The following CASQ2 variants were observed in gnomAD, a reference collection of about 807,000 sequenced individuals.
The protein encoded by CASQ2 is calsequestrin-2.
In CASQ2, 49 loss-of-function variants were observed where a neutral mutation model predicts 46.5. The ratio of observed to expected loss-of-function variants is 1.05; its 90% CI spans 0.84 to 1.34. CASQ2 has a LOEUF of 1.34. Among genes scored for constraint, CASQ2 ranks in the 40% most tolerant of loss-of-function variants. CASQ2 has a pLI of 0.00. For synonymous variants in CASQ2, 174 were observed against 168.5 expected, an observed-to-expected ratio of 1.03 and a Z score of -0.25; for missense variants, 486 against 481.3, an observed-to-expected ratio of 1.01 and a Z score of -0.09.
chr1:115,766,906 GA>G (rs1649153369), intron 1 of CASQ2, among the ~76,000 whole-genome samples: 1 of 139,930 alleles, frequency 7.1e-6, no homozygotes, highest in Non-Finnish European at 1.6e-5. Context: ...TAGATAGATA[GA>G]TAGATAGATA....
chr1:115,761,566 T>C (rs1393202494), intron 1 of CASQ2, among the ~76,000 whole-genome samples: 1 of 149,878 alleles, frequency 6.7e-6, no homozygotes, highest in Non-Finnish European at 1.5e-5. Flanking sequence ...TCAATGATGA[T>C]GCTGGGCACA....
At chr1:115,728,026 C>T (rs1647654318) in intron 5 of CASQ2, among the ~76,000 whole-genome samples, 1 of 152,148 alleles carries the variant, frequency 6.6e-6, no homozygotes, top group South Asian at 2.1e-4. Context: ...AAACCAAATG[C>T]CACTCTTTTC....
In CASQ2 at chr1:115,701,043, G is replaced by A. The variant is rs1654187112; in HGVS notation, c.*198C>T. ...TGGGAATAATTTTTCTCCTGTCCCT[G>A]CTAAGTGGGATTGCTGCATTTGAAA... On this transcript the variant is annotated 3_prime_UTR_variant, in exon 11 of 11. Coordinates refer to ENST00000261448, the MANE Select transcript of CASQ2 (RefSeq NM_001232.4). The A allele has an allele frequency of 2.6e-6, 2 of 759,904 alleles. No homozygotes were observed. Among genetic ancestry groups the A allele is most frequent in the Non-Finnish European group, 4.6e-6 (2 of 437,788 alleles). The allele number at this position is 759,904 out of a possible 1,614,324, so 47.1% of individuals were successfully genotyped here. A position where few individuals can be genotyped will look rare whatever the true frequency, so the allele number is the denominator to read the frequency against.
At chr1:115,740,925 G>T in intron 2 of CASQ2, 97 bp from the exon 3 acceptor site, 2 of 817,360 alleles carry the variant, frequency 2.4e-6, no homozygotes, top group South Asian at 2.8e-5. Flanking sequence ...GGGTGACAGT[G>T]GGGTCAGGAT....
At chr1:115,726,173 A>G (rs1361686791) in intron 6 of CASQ2, among the ~76,000 whole-genome samples, 3 of 152,188 alleles carry the variant, frequency 2.0e-5, no homozygotes, top group South Asian at 2.1e-4. Flanking sequence ...TGCAGGTCCA[A>G]TGAACACACT....
intron 1 of CASQ2, among the ~76,000 whole-genome samples, chr1:115,757,263 T>C (rs1242398875): frequency 6.6e-6 from 1 of 152,246 alleles, no homozygotes; most frequent in Non-Finnish European, 1.5e-5. Context: ...ATTACCGATA[T>C]GTGCCCAGCA....
chr1:115,758,943 G>A (rs1312766862), intron 1 of CASQ2, among the ~76,000 whole-genome samples: 1 of 152,158 alleles, frequency 6.6e-6, no homozygotes, highest in Non-Finnish European at 1.5e-5. Flanking sequence ...CTGCAAGAAG[G>A]GGTGTCAGAC....
chr1:115,701,050 G>T lies in CASQ2; in HGVS notation c.*191C>A. On this transcript the variant is annotated 3_prime_UTR_variant, in exon 11 of 11. Coordinates refer to ENST00000261448, the MANE Select transcript of CASQ2 (RefSeq NM_001232.4). The stretch of plus-strand genomic sequence containing the variant: ...AATTTTTCTCCTGTCCCTGCTAAGT[G>T]GGATTGCTGCATTTGAAAAGGCATT... 1 of 787,074 alleles carries T rather than the reference G, an allele frequency of 1.3e-6. No homozygotes were observed. The highest frequency in any genetic ancestry group is 2.4e-5 in the East Asian group (1 of 41,092). 48.8% of individuals were successfully genotyped at this position (787,074 alleles called of 1,614,324 possible).
rs1232993200 is a variant in CASQ2, at chr1:115,727,059, G to T, written c.670C>A (p.Pro224Thr). 1.2e-6 allele frequency: 2 copies of T among 1,612,042 alleles called. No individual in the cohort carries two copies. The highest frequency in any genetic ancestry group is 1.3e-5 in the African/African-American group (1 of 74,854). Reference protein sequence around the residue: ...VDFYEPFMDEPIAIPNKPYTE... With the variant: ...VDFYEPFMDETIAIPNKPYTE... Reference sequence around the variant, plus strand: ...TAAGGTTTGTTGGGGATGGCAATGGGCTCATCCATAAATGGCTCATAGAAG... The same window carrying T: ...TAAGGTTTGTTGGGGATGGCAATGGTCTCATCCATAAATGGCTCATAGAAG... Residue 224 changes from proline to threonine, a missense_variant, in exon 6 of 11, where the codon CCC becomes ACC. Physicochemically the swap from Pro to Thr is conservative, Grantham distance 38. Transcript: ENST00000261448.
chr1:115,745,146 A>G (rs1376781151), intron 1 of CASQ2, among the ~76,000 whole-genome samples: 1 of 152,150 alleles, frequency 6.6e-6, no homozygotes, highest in Non-Finnish European at 1.5e-5. Context: ...CTAAGACAGA[A>G]AATTTGGAAG....
intron 7 of CASQ2, among the ~76,000 whole-genome samples, chr1:115,720,349 C>A (rs1444625895): frequency 6.6e-6 from 1 of 152,152 alleles, no homozygotes; most frequent in Non-Finnish European, 1.5e-5. Flanking sequence ...TCTGGGGCAT[C>A]TTTTAGGGCA....
chr1:115,752,165 A>C (rs1405463525), intron 1 of CASQ2, among the ~76,000 whole-genome samples: 1 of 152,192 alleles, frequency 6.6e-6, no homozygotes, highest in African/African-American at 2.4e-5. Flanking sequence ...TGAAGTCTGC[A>C]TTTAAATGTC....
intron 1 of CASQ2, among the ~76,000 whole-genome samples, chr1:115,750,327 G>A (rs1213230795): frequency 6.6e-6 from 1 of 152,190 alleles, no homozygotes; most frequent in Non-Finnish European, 1.5e-5. Flanking sequence ...TGTTTGGTCA[G>A]TTACCTCTCA....
intron 8 of CASQ2, among the ~76,000 whole-genome samples, chr1:115,712,956 C>T (rs1654596252): frequency 6.6e-6 from 1 of 151,838 alleles, no homozygotes. Context: ...CTACTTGAGA[C>T]AATTGGTCTC....
At chr1:115,721,132 G>T (rs1647360199) in intron 7 of CASQ2, among the ~76,000 whole-genome samples, 1 of 152,146 alleles carries the variant, frequency 6.6e-6, no homozygotes, top group Non-Finnish European at 1.5e-5. Flanking sequence ...TTGTCTGGGG[G>T]TCTCTGACCC....
At chr1:115,712,716 T>C (rs1654585804) in intron 8 of CASQ2, among the ~76,000 whole-genome samples, 1 of 151,508 alleles carries the variant, frequency 6.6e-6, no homozygotes, top group African/African-American at 2.4e-5. Context: ...CTTAGCCAGG[T>C]GTGGTGGCCC....
chr1:115,728,182 G>A (rs1027027463), intron 5 of CASQ2, among the ~76,000 whole-genome samples: 2 of 152,150 alleles, frequency 1.3e-5, no homozygotes, highest in African/African-American at 4.8e-5. Flanking sequence ...GGGAAGGGGA[G>A]GAGCTGGGTA....
At chr1:115,735,978 A>G (rs1490542843) in intron 4 of CASQ2, among the ~76,000 whole-genome samples, 1 of 152,036 alleles carries the variant, frequency 6.6e-6, no homozygotes, top group Non-Finnish European at 1.5e-5. Flanking sequence ...CCTGGCCAAC[A>G]TGGTGAAACT....
At chr1:115,733,049 TAG>T in intron 4 of CASQ2, 75 bp from the exon 5 acceptor site, 2 of 1,066,156 alleles carry the variant, frequency 1.9e-6, no homozygotes, top group Non-Finnish European at 2.9e-6. Context: ...TTAAATGGTG[TAG>T]AGAGTAGAAA....
Sources: gnomAD v4.1 joint callset for allele counts (sites outside exome capture counted in the v4.1 genomes callset) on GRCh38, gnomAD v4.1.1 for gene constraint, MANE v1.5 for transcripts, NCBI Gene and HGNC (gene_info 2026-07-23, HGNC 2026-07-21) for gene names.